Variants in ZBTB8OS observed in about 807,000 individuals in gnomAD.
The protein encoded by ZBTB8OS is tRNA splicing ligase complex subunit 1, also known as tRNA-splicing ligase-activating factor archease.
In ZBTB8OS, 16 loss-of-function variants were observed where a neutral mutation model predicts 29.3. The observed-to-expected ratio is 0.55, with a 90% CI of 0.37 to 0.83. The LOEUF is 0.83. ZBTB8OS is among the 40% of genes least tolerant of loss of function. The pLI, the probability that ZBTB8OS is intolerant of heterozygous loss-of-function variation, is 0.00. For synonymous variants in ZBTB8OS, 70 were observed against 64.6 expected, an observed-to-expected ratio of 1.08 and a Z score of -0.40; for missense variants, 160 against 196.9, an observed-to-expected ratio of 0.81 and a Z score of 1.12.
intron 6 of ZBTB8OS, among the ~76,000 whole-genome samples, chr1:32,622,529 A>C (rs1260333367): frequency 6.6e-6 from 1 of 152,152 alleles, no homozygotes; most frequent in East Asian, 1.9e-4. Flanking sequence ...CATTGAGTAC[A>C]CATGAACACA....
chr1:32,621,643 G>A lies in ZBTB8OS; in HGVS notation c.*219C>T, dbSNP rs1644763284. The A allele has an allele frequency of 3.9e-6, 2 of 509,828 alleles. No individual in the cohort carries two copies. The highest frequency in any genetic ancestry group is 4.6e-5 in the South Asian group (2 of 43,116). 31.6% of individuals were successfully genotyped at this position (509,828 alleles called of 1,614,324 possible). A position where few individuals can be genotyped will look rare whatever the true frequency, so the allele number is the denominator to read the frequency against. Reference sequence around the variant, plus strand: ...CAAAGGACCATAACTGTCCCTTGGGGGGTTGAAGAATTCTTTAAAGTGTGA... The same window carrying A: ...CAAAGGACCATAACTGTCCCTTGGGAGGTTGAAGAATTCTTTAAAGTGTGA... On this transcript the variant is annotated 3_prime_UTR_variant, in exon 7 of 7. Transcript: ENST00000468695.
chr1:32,645,116 T>C (rs1013014517), intron 1 of ZBTB8OS, among the ~76,000 whole-genome samples: 1 of 151,332 alleles, frequency 6.6e-6, no homozygotes, highest in Non-Finnish European at 1.5e-5. Flanking sequence ...GAGGAGGAGG[T>C]TGCAGTGAGC....
At chr1:32,631,234 G>T (rs1425991870) in intron 5 of ZBTB8OS, among the ~76,000 whole-genome samples, 1 of 150,992 alleles carries the variant, frequency 6.6e-6, no homozygotes, top group African/African-American at 2.4e-5. Flanking sequence ...CACACTTGGT[G>T]GTCCCAGCTA....
At chr1:32,634,185 A>T in intron 2 of ZBTB8OS, 113 bp from the exon 3 acceptor site, 1 of 948,468 alleles carries the variant, frequency 1.1e-6, no homozygotes, top group South Asian at 3.3e-5. Context: ...TTAAGGCCTC[A>T]ATCAATTTAA....
intron 1 of ZBTB8OS, among the ~76,000 whole-genome samples, chr1:32,637,450 C>G (rs1179101460): frequency 6.6e-6 from 1 of 151,892 alleles, no homozygotes; most frequent in Non-Finnish European, 1.5e-5. Flanking sequence ...CGCCTGTAGT[C>G]CCAGCTACTC....
At chr1:32,632,433 G>C (rs1318578679) in intron 4 of ZBTB8OS, 1 of 152,062 alleles carries the variant, frequency 6.6e-6, no homozygotes, top group African/African-American at 2.4e-5. Context: ...TTGTTTGTTT[G>C]AGACAAGGTT....
chr1:32,634,084 T>A lies in ZBTB8OS; in HGVS notation c.123-12A>T. The A allele has an allele frequency of 6.5e-7, 1 of 1,541,610 alleles. No homozygotes were observed. The highest frequency in any genetic ancestry group is 8.7e-7 in the Non-Finnish European group (1 of 1,153,818). On this transcript the variant is annotated splice_polypyrimidine_tract_variant and intron_variant, in intron 2 of 6. Coordinates refer to ENST00000468695, the MANE Select transcript of ZBTB8OS (RefSeq NM_178547.5). ...CCCATGCGTGTAACCTAAAGAAGTATATTCATGCTCTGTGTAATACAATCC... is the reference window on the plus strand; with the variant it reads ...CCCATGCGTGTAACCTAAAGAAGTAAATTCATGCTCTGTGTAATACAATCC...
intron 1 of ZBTB8OS, among the ~76,000 whole-genome samples, 198 bp from the exon 2 acceptor site, chr1:32,634,990 T>TC (rs1469249706): frequency 6.6e-6 from 1 of 151,702 alleles, no homozygotes; most frequent in African/African-American, 2.4e-5. Flanking sequence ...CTTTTTTTTT[T>TC]TGCGGGGACA....
chr1:32,635,238 G>A (rs933449365), intron 1 of ZBTB8OS, among the ~76,000 whole-genome samples: 1 of 151,140 alleles, frequency 6.6e-6, no homozygotes, highest in Admixed American at 6.6e-5. Context: ...ATTCCCATTG[G>A]ATCTCTCCTC....
rs769197214 is a variant in ZBTB8OS, at chr1:32,650,518, T to C, written c.12A>G (p.Glu4=). 6.2e-7 allele frequency: 1 copy of C among 1,614,178 alleles called. No individual in the cohort carries two copies. Among genetic ancestry groups the C allele is most frequent in the Non-Finnish European group, 8.5e-7 (1 of 1,180,022 alleles). MAQ[E]EEDVRDYNLT... is the part of the protein sequence containing the mutation. ...AATTGTAATCTCTAACATCTTCCTC[T>C]TCCTGCGCCATGACTGCAGGATTAG... The change falls in exon 1 of 7, where the codon GAA becomes GAG. Residue 4 remains glutamate, a synonymous_variant. Transcript: ENST00000468695.
intron 1 of ZBTB8OS, among the ~76,000 whole-genome samples, chr1:32,643,038 T>C (rs1309652620): frequency 6.8e-6 from 1 of 146,206 alleles, no homozygotes; most frequent in East Asian, 2.1e-4. Flanking sequence ...CCCAAAATGC[T>C]GGAATTACAG....
At chr1:32,650,698 G>T, upstream of ZBTB8OS, 1 of 1,258,930 alleles carries the variant, frequency 7.9e-7, no homozygotes, top group Non-Finnish European at 1.1e-6. Context: ...CGCTTGGATC[G>T]CATATTTAAA....
At chr1:32,627,571 T>C in intron 5 of ZBTB8OS, 27 bp from the exon 6 acceptor site, 1 of 1,606,342 alleles carries the variant, frequency 6.2e-7, no homozygotes, top group South Asian at 1.1e-5. Context: ...AAAACATGAT[T>C]AAGATTTGTT....
upstream of ZBTB8OS, chr1:32,650,705 T>A: frequency 2.6e-6 from 3 of 1,176,132 alleles, no homozygotes; most frequent in Non-Finnish European, 3.6e-6. Context: ...ATCGCATATT[T>A]AAAAAGCCAA....
intron 5 of ZBTB8OS, among the ~76,000 whole-genome samples, chr1:32,629,880 G>A (rs968572201): frequency 6.6e-6 from 1 of 151,162 alleles, no homozygotes; most frequent in East Asian, 2.0e-4. Flanking sequence ...AGCCTCCTGA[G>A]TAGTTCAGAT....
intron 6 of ZBTB8OS, among the ~76,000 whole-genome samples, chr1:32,625,489 G>A (rs1256938253): frequency 1.3e-5 from 2 of 151,274 alleles, no homozygotes; most frequent in African/African-American, 2.4e-5. Context: ...AGCTGAGATC[G>A]TGCCACTGCA....
chr1:32,621,510 T>A lies in ZBTB8OS; in HGVS notation c.*352A>T, dbSNP rs1390622970. 3 of 203,634 alleles carry A rather than the reference T, an allele frequency of 1.5e-5. No individual in the cohort carries two copies. The highest frequency in any genetic ancestry group is 6.9e-5 in the African/African-American group (3 of 43,416). The allele number at this position is 203,634 out of a possible 1,614,324, so 12.6% of individuals were successfully genotyped here. On this transcript the variant is annotated 3_prime_UTR_variant, in exon 7 of 7. Coordinates refer to ENST00000468695, the MANE Select transcript of ZBTB8OS (RefSeq NM_178547.5). ...CAAGTTATTCTTCTTTCAACCTGGA[T>A]TCAGCCTCAGGCTGCTGCTGACATC...
At chr1:32,647,041 CAAAAAAAAA>C (rs71006347) in intron 1 of ZBTB8OS, among the ~76,000 whole-genome samples, 3,445 of 39,064 alleles carry the variant, frequency 0.088, 165 homozygotes, top group African/African-American at 0.3. Context: ...GATACTGTCT[CAAAAAAAAA>C]AAAAAAAAAA....
intron 5 of ZBTB8OS, among the ~76,000 whole-genome samples, chr1:32,630,754 T>G (rs934569115): frequency 6.6e-6 from 1 of 152,004 alleles, no homozygotes; most frequent in Non-Finnish European, 1.5e-5. Flanking sequence ...CTCAAGCCTG[T>G]AATCTCGACA....
Sources: allele counts gnomAD v4.1 joint callset (sites outside exome capture counted in the v4.1 genomes callset), GRCh38; gene constraint gnomAD v4.1.1; transcripts MANE v1.5; gene names NCBI Gene and HGNC (gene_info 2026-07-23, HGNC 2026-07-21).